APC2: variants seen among roughly 807,000 people sequenced by gnomAD.
The protein encoded by APC2 is APC regulator of Wnt signaling pathway 2.
In APC2, 41 loss-of-function variants were observed where a neutral mutation model predicts 72.5. The ratio of observed to expected loss-of-function variants is 0.57; its 90% CI spans 0.44 to 0.73. APC2 has a LOEUF of 0.73. Ranked by LOEUF, APC2 falls within the 30% of genes least tolerant of loss-of-function variation. APC2 has a pLI of 0.00. For synonymous variants in APC2, 1,898 were observed against 1,612.0 expected, an observed-to-expected ratio of 1.18 and a Z score of -4.25; for missense variants, 3,729 against 3,403.4, an observed-to-expected ratio of 1.10 and a Z score of -2.38.
At chr19:1,459,257 T>G (rs1428862856) in intron 10 of APC2, among the ~76,000 whole-genome samples, 2 of 152,048 alleles carry the variant, frequency 1.3e-5, no homozygotes, top group Non-Finnish European at 2.9e-5. Flanking sequence ...CATGCTGGAG[T>G]GCAGTGGCGC....
At position 1,467,831 on chromosome 19, in the gene APC2, C is replaced by T. The variant is rs1310686838; in HGVS notation, c.4530C>T (p.Tyr1510=). Residue 1510 remains tyrosine, a synonymous_variant, in exon 15 of 15, where the codon TAC becomes TAT. Coordinates refer to ENST00000590469, the MANE Select transcript of APC2 (RefSeq NM_005883.3). Reference sequence around the variant, plus strand: ...CTGAGGAGGCCGTGTACTGCTTCTACGGCAACGACTCGGACGAGGAGCCCC... The same window carrying T: ...CTGAGGAGGCCGTGTACTGCTTCTATGGCAACGACTCGGACGAGGAGCCCC... ...TPTEEAVYCF[Y]GNDSDEEPPA... is the part of the protein sequence containing the mutation. The T allele has an allele frequency of 6.6e-7, 1 of 1,522,226 alleles. No homozygotes were observed. The highest frequency in any genetic ancestry group is 2.0e-5 in the Admixed American group (1 of 50,282). The allele number at this position is 1,522,226 out of a possible 1,614,324, so 94.3% of individuals were successfully genotyped here.
At position 1,466,539 on chromosome 19, in the gene APC2, G is replaced by T; in HGVS notation, c.3238G>T (p.Gly1080Cys). 6.3e-7 allele frequency: 1 copy of T among 1,584,794 alleles called. No homozygotes were observed. Among genetic ancestry groups the T allele is most frequent in the African/African-American group, 1.3e-5 (1 of 74,700 alleles). ...CTCCCTTTCCTCGCTGTCCTCGGCC[G>T]GCCGCCCAGGCCCCAGCGAGGGTGG... The part of the protein sequence containing the change: ...CSSLSSLSSA[G>C]RPGPSEGGDL... Residue 1080 changes from glycine to cysteine, a missense_variant, in exon 15 of 15, where the codon GGC becomes TGC. Gly to Cys is a radical substitution (Grantham distance 159). Transcript: ENST00000590469.
At chr19:1,464,551 C>T (rs930202766) in intron 14 of APC2, among the ~76,000 whole-genome samples, 4 of 151,326 alleles carry the variant, frequency 2.6e-5, no homozygotes, top group African/African-American at 9.7e-5. Flanking sequence ...GCGAAACTTT[C>T]TCTCAGAAAA....
Position 1,465,551 on chromosome 19 carries a change from C to A in APC2, c.2250C>A (p.Ala750=). 2.0e-6 allele frequency: 3 copies of A among 1,537,432 alleles called. No homozygotes were observed. In the South Asian group the frequency reaches 3.6e-5, roughly 18 times the overall value. The change falls in exon 15 of 15, where the codon GCC becomes GCA. Residue 750 remains alanine, a synonymous_variant. Transcript: ENST00000590469. ...EHLEKQGPPA[A]EAATKKPLPP... ...TGGAGAAGCAGGGCCCGCCGGCAGC[C>A]GAGGCCGCCACTAAGAAGCCGCTGC...
At chr19:1,460,726 C>T in intron 11 of APC2, 54 bp from the exon 12 acceptor site, 1 of 1,556,980 alleles carries the variant, frequency 6.4e-7, no homozygotes, top group Non-Finnish European at 8.8e-7. Flanking sequence ...AGGTGAGGGG[C>T]ACAGTCTCCC....
chr19:1,458,842 C>G (rs1246967687), intron 10 of APC2, among the ~76,000 whole-genome samples: 1 of 152,018 alleles, frequency 6.6e-6, no homozygotes, highest in Non-Finnish European at 1.5e-5. Flanking sequence ...CGCCCCCACA[C>G]CTGACTAATT....
In APC2 at chr19:1,467,534, G is replaced by A. The variant is rs761924513; in HGVS notation, c.4233G>A (p.Leu1411=). Residue 1411 remains leucine, a synonymous_variant, in exon 15 of 15, where the codon CTG becomes CTA. Coordinates refer to ENST00000590469, the MANE Select transcript of APC2 (RefSeq NM_005883.3). ...CCGCCTCGCTCAGCGACGAGACGCT[G>A]CAGGGACCCCCCAGGGACCAGCCCG... The part of the protein sequence containing the change: ...SSAASLSDET[L]QGPPRDQPGG... The A allele has an allele frequency of 6.7e-7, 1 of 1,487,232 alleles. No homozygotes were observed. The highest frequency in any genetic ancestry group is 1.3e-5 in the South Asian group (1 of 78,236). The allele number at this position is 1,487,232 out of a possible 1,614,324, so 92.1% of individuals were successfully genotyped here. A position where few individuals can be genotyped will look rare whatever the true frequency, so the allele number is the denominator to read the frequency against.
chr19:1,450,313 C>A lies in APC2; in HGVS notation c.-44C>A. 1.0e-6 allele frequency: 1 copy of A among 985,492 alleles called. No individual in the cohort carries two copies. The highest frequency in any genetic ancestry group is 1.7e-5 in the African/African-American group (1 of 57,378). The allele number at this position is 985,492 out of a possible 1,614,324, so 61.0% of individuals were successfully genotyped here. ...GGAGGAGGCCCCAGACCCAGGCGCC[C>A]CGCCAGCCCAGCTGCACGTAAGCGG... is the stretch of plus-strand genomic sequence containing the variant. On this transcript the variant is annotated 5_prime_UTR_variant, in exon 1 of 15. Transcript: ENST00000590469.
chr19:1,461,915 T>G (rs1383538174), intron 13 of APC2, 48 bp from the exon 14 acceptor site: 17 of 1,498,428 alleles, frequency 1.1e-5, no homozygotes, highest in Non-Finnish European at 1.5e-5. Context: ...GAGCCTTTCC[T>G]CCGGGCCACT....
rs777523742 is a variant in APC2, at chr19:1,460,870, G to C, written c.1521+13G>C. 1 of 1,613,116 alleles carries C rather than the reference G, an allele frequency of 6.2e-7. No homozygotes were observed. Among genetic ancestry groups the C allele is most frequent in the East Asian group, 2.2e-5 (1 of 44,870 alleles). ...GGAGCTCCACCAGGTACAGGGCGGG[G>C]TGCTGGGAAAGCCTTCCAGGGTGTC... On this transcript the variant is annotated intron_variant, in intron 12 of 14. Transcript: ENST00000590469.
At chr19:1,458,163 T>TCCAATCCCCAGCCCAA in intron 10 of APC2, 103 bp downstream of exon 10, 1 of 1,115,696 alleles carries the variant, frequency 9.0e-7, no homozygotes, top group Non-Finnish European at 1.3e-6. Context: ...GAGCTTGGGC[T>TCCAATCCCCAGCCCAA]GGGGATTGGA....
rs1040019854 is a variant in APC2 at position 1,452,403 on chromosome 19, G to A, written c.-18-581G>A. 6.4e-5 allele frequency: 10 copies of A among 157,286 alleles called. No homozygotes were observed. Among genetic ancestry groups the A allele is most frequent in the African/African-American group, 1.9e-4 (8 of 41,594 alleles). 9.7% of individuals were successfully genotyped at this position (157,286 alleles called of 1,614,324 possible). ...TGGGCTTGGGTCCATCTGTCCTGCC[G>A]TTTCTGCACAGCTTAGGTGTCACCC... On this transcript the variant is annotated intron_variant, in intron 1 of 14. Transcript: ENST00000590469. The surrounding 1 kb of genome is among the most constrained non-coding windows in gnomAD (Gnocchi z 5.1).
intron 14 of APC2, 67 bp from the exon 15 acceptor site, chr19:1,465,088 C>T: frequency 6.5e-7 from 1 of 1,528,934 alleles, no homozygotes; most frequent in Non-Finnish European, 8.8e-7. Flanking sequence ...CACATCTGGC[C>T]CCCCCATCCT....
In APC2 at chr19:1,468,913, C is replaced by T. The variant is rs745374653; in HGVS notation, c.5612C>T (p.Thr1871Ile). The T allele has an allele frequency of 1.2e-5, 18 of 1,527,336 alleles. No homozygotes were observed. The Admixed American group carries it at 2.7e-4, about 23-fold the overall frequency. 94.6% of individuals were successfully genotyped at this position (1,527,336 alleles called of 1,614,324 possible). ...SATPPARLAK[T>I]PSSSSSQTSP... ...ACACCGCCCGCCCGCCTCGCCAAGA[C>T]CCCCTCCTCCAGCTCCTCCCAGACC... The change falls in exon 15 of 15, where the codon ACC becomes ATC. Residue 1871 changes from threonine to isoleucine, a missense_variant. Transcript: ENST00000590469.
At position 1,456,965 on chromosome 19, in the gene APC2, G is replaced by T. The variant is rs1599138394; in HGVS notation, c.929G>T (p.Arg310Leu). 4.5e-6 allele frequency: 7 copies of T among 1,540,768 alleles called. No homozygotes were observed. The East Asian group carries it at 1.7e-4, about 38-fold the overall frequency. Reference protein sequence around the residue: ...SSPESCVAMRRSGCLPLLLQI... With the variant: ...SSPESCVAMRLSGCLPLLLQI... ...CCCGAGAGCTGCGTGGCCATGCGCC[G>T]CTCGGGCTGTCTGCCTCTGCTGCTG... The change falls in exon 9 of 15, where the codon CGC (arginine) becomes CTC (leucine). Residue 310 changes from arginine (R) to leucine (L), a missense_variant. Coordinates refer to ENST00000590469, the MANE Select transcript of APC2 (RefSeq NM_005883.3).
At position 1,461,266 on chromosome 19, in the gene APC2, T is replaced by G. The variant is rs1349121695; in HGVS notation, c.1638+113T>G. On this transcript the variant is annotated intron_variant, in intron 13 of 14. Transcript: ENST00000590469. ...GAAATCAAGTTGAACAGCTCACTGCTTAGCGGGTGGTCCAGCCTCAGACCG... is the reference window on the plus strand; with the variant it reads ...GAAATCAAGTTGAACAGCTCACTGCGTAGCGGGTGGTCCAGCCTCAGACCG... 7 of 918,958 alleles carry G rather than the reference T, an allele frequency of 7.6e-6. No homozygotes were observed. The East Asian group carries it at 1.5e-4, about 19-fold the overall frequency. 56.9% of individuals were successfully genotyped at this position (918,958 alleles called of 1,614,324 possible).
chr19:1,468,108 G>C lies in APC2; in HGVS notation c.4807G>C (p.Glu1603Gln). Residue 1603 changes from glutamate to glutamine, a missense_variant, in exon 15 of 15, where the codon GAG becomes CAG. Glu to Gln is a conservative substitution (Grantham distance 29, BLOSUM62 2). Transcript: ENST00000590469. ...EPPAVHPRGR[E>Q]PAVTKDPGPG... ...GCCGGCCGTCCATCCACGAGGCCGG[G>C]AGCCCGCGGTCACCAAGGACCCGGG... 6.6e-7 allele frequency: 1 copy of C among 1,523,942 alleles called. No homozygotes were observed. Among genetic ancestry groups the C allele is most frequent in the Middle Eastern group, 1.9e-4 (1 of 5,400 alleles). The allele number at this position is 1,523,942 out of a possible 1,614,324, so 94.4% of individuals were successfully genotyped here.
upstream of APC2, among the ~76,000 whole-genome samples, chr19:1,446,987 C>A (rs1240270860): frequency 1.3e-5 from 2 of 152,106 alleles, no homozygotes; most frequent in Admixed American, 1.3e-4. The surrounding 1 kb of genome is among the most constrained non-coding windows in gnomAD (Gnocchi z 6.1). Flanking sequence ...GGAGCTAAGG[C>A]GCCCGCAAGA....
rs759562542 is a variant in APC2, at chr19:1,461,957, G to A, written c.1639-6G>A. On this transcript the variant is annotated splice_region_variant and splice_polypyrimidine_tract_variant and intron_variant, in intron 13 of 14. Coordinates refer to ENST00000590469, the MANE Select transcript of APC2 (RefSeq NM_005883.3). ...CTGACCCGCCCCTCTCCCGCCCCTC[G>A]TCCAGGAGTCCACCCTGAAGAGCGT... 28 of 1,585,694 alleles carry A rather than the reference G, an allele frequency of 1.8e-5. 1 individual carries two copies. The highest frequency in any genetic ancestry group is 1.7e-4 in the Middle Eastern group (1 of 5,842).
Sources: gnomAD v4.1 joint callset for allele counts (sites outside exome capture counted in the v4.1 genomes callset) on GRCh38, gnomAD v4.1.1 for gene constraint, Gnocchi (gnomAD v3.1) non-coding constraint, MANE v1.5 for transcripts, NCBI Gene and HGNC (gene_info 2026-07-23, HGNC 2026-07-21) for gene names.